The following VPS13B variants were observed in gnomAD, a reference collection of about 807,000 sequenced individuals.
VPS13B encodes intermembrane lipid transfer protein VPS13B.
Under a neutral mutation model 426.4 loss-of-function variants are expected in VPS13B, and 285 were observed. That is an observed-to-expected ratio of 0.67 (90% CI 0.61 to 0.74). The LOEUF (loss-of-function observed/expected upper bound fraction) is 0.74, where lower values mean the gene tolerates loss of function less well. Among genes scored for constraint, VPS13B ranks in the 30% least tolerant of loss-of-function variants. The pLI is 0.00. For synonymous variants in VPS13B, 1,676 were observed against 1,676.4 expected (o/e 1.00, Z 0.01); for missense variants, 4,537 against 4,782.6 (o/e 0.95, Z 1.51).
intron 19 of VPS13B, among the ~76,000 whole-genome samples, chr8:99,376,983 G>A (rs1813525125): frequency 6.6e-6 from 1 of 151,888 alleles, no homozygotes; most frequent in South Asian, 2.1e-4. Flanking sequence ...TAACATATAT[G>A]TAAGTATTGA....
At chr8:99,152,528 A>C (rs144094148) in intron 14 of VPS13B, among the ~76,000 whole-genome samples, 1 of 152,152 alleles carries the variant, frequency 6.6e-6, no homozygotes, top group East Asian at 1.9e-4. Context: ...TATAAGTTCA[A>C]TTATGTCCTT....
intron 24 of VPS13B, among the ~76,000 whole-genome samples, chr8:99,471,571 T>A (rs1403502174): frequency 1.3e-5 from 2 of 151,582 alleles, no homozygotes; most frequent in Non-Finnish European, 2.9e-5. Flanking sequence ...TAAAAAATAT[T>A]CAAAGAAGCC....
At chr8:99,766,744 A>G in intron 39 of VPS13B, 30 bp from the exon 40 acceptor site, 2 of 1,587,746 alleles carry the variant, frequency 1.3e-6, no homozygotes, top group Non-Finnish European at 1.7e-6. Context: ...TTCTATTTGC[A>G]ACTTCTAAAT....
intron 42 of VPS13B, among the ~76,000 whole-genome samples, chr8:99,780,285 C>T (rs1811953024): frequency 6.6e-6 from 1 of 151,848 alleles, no homozygotes; most frequent in African/African-American, 2.4e-5. Context: ...AAAAACAAAC[C>T]TAGAAAATAT....
chr8:99,110,123 T>A (rs1429887092), intron 5 of VPS13B, among the ~76,000 whole-genome samples: 1 of 152,164 alleles, frequency 6.6e-6, no homozygotes, highest in Non-Finnish European at 1.5e-5. Flanking sequence ...TAATACTGTT[T>A]AGACACATCT....
chr8:99,124,156 G>A (rs1848076889), intron 8 of VPS13B, among the ~76,000 whole-genome samples: 1 of 152,164 alleles, frequency 6.6e-6, no homozygotes, highest in Non-Finnish European at 1.5e-5. Context: ...AGACTGGAAG[G>A]TAAGTACCAT....
At chr8:99,313,871 G>C (rs1321257432) in intron 19 of VPS13B, among the ~76,000 whole-genome samples, 2 of 152,058 alleles carry the variant, frequency 1.3e-5, no homozygotes, top group East Asian at 1.9e-4. Context: ...GCAATGGTGG[G>C]TGCCCCTCCC....
chr8:99,604,522 CAG>C (rs1467701159), intron 33 of VPS13B, among the ~76,000 whole-genome samples: 5 of 114,618 alleles, frequency 4.4e-5, no homozygotes, highest in Middle Eastern at 5.7e-3. Context: ...TTTTTTGAGA[CAG>C]AGTCTTGCTC....
At chr8:99,018,405 A>C (rs541877992) in intron 2 of VPS13B, among the ~76,000 whole-genome samples, 1 of 152,202 alleles carries the variant, frequency 6.6e-6, no homozygotes, top group African/African-American at 2.4e-5. Flanking sequence ...ACACAAAAAA[A>C]CCTCTATTTT....
At chr8:99,540,320 C>T (rs1393888572) in intron 30 of VPS13B, among the ~76,000 whole-genome samples, 1 of 151,088 alleles carries the variant, frequency 6.6e-6, no homozygotes, top group Non-Finnish European at 1.5e-5. Context: ...ACCTCATGAT[C>T]CACCCGCCTC....
At chr8:99,826,037 T>G (rs1479074719) in intron 51 of VPS13B, among the ~76,000 whole-genome samples, 1 of 152,210 alleles carries the variant, frequency 6.6e-6, no homozygotes, top group Non-Finnish European at 1.5e-5. Context: ...TGCTTAGGAT[T>G]GTCTTGGCTA....
At chr8:99,217,167 CCTCT>C (rs1290869533) in intron 17 of VPS13B, among the ~76,000 whole-genome samples, 1 of 151,810 alleles carries the variant, frequency 6.6e-6, no homozygotes, top group Admixed American at 6.6e-5. Context: ...ATGTTTATTC[CCTCT>C]AATAACATTT....
At chr8:99,388,966 T>G (rs982867389) in intron 20 of VPS13B, among the ~76,000 whole-genome samples, 3 of 152,154 alleles carry the variant, frequency 2.0e-5, no homozygotes, top group African/African-American at 7.2e-5. Flanking sequence ...CTGGCTAAGA[T>G]GGTGAAACCC....
intron 58 of VPS13B, among the ~76,000 whole-genome samples, chr8:99,865,732 G>A (rs1043037337): frequency 6.6e-6 from 1 of 152,214 alleles, no homozygotes; most frequent in Non-Finnish European, 1.5e-5. Context: ...TATGGGTCTC[G>A]TTACTTTCTG....
chr8:99,612,588 G>C (rs1405843141), intron 33 of VPS13B, among the ~76,000 whole-genome samples: 1 of 152,124 alleles, frequency 6.6e-6, no homozygotes, highest in Non-Finnish European at 1.5e-5. Context: ...CCCTTTGCCT[G>C]CTGAACTAAA....
intron 22 of VPS13B, among the ~76,000 whole-genome samples, chr8:99,441,135 A>G (rs776866113): frequency 6.6e-6 from 1 of 152,122 alleles, no homozygotes. Context: ...AAATGAGCTC[A>G]TGCTTCACAA....
At chr8:99,515,740 A>T (rs1486563897) in intron 29 of VPS13B, among the ~76,000 whole-genome samples, 1 of 152,126 alleles carries the variant, frequency 6.6e-6, no homozygotes, top group Non-Finnish European at 1.5e-5. Flanking sequence ...GCTAGGTCAA[A>T]GGATTCCATA....
At chr8:99,749,207 C>A (rs1407935973) in intron 39 of VPS13B, among the ~76,000 whole-genome samples, 1 of 151,952 alleles carries the variant, frequency 6.6e-6, no homozygotes, top group African/African-American at 2.4e-5. Flanking sequence ...ATAACCATCA[C>A]CTCAAGCATT....
chr8:99,709,596 G>C (rs905491563), intron 36 of VPS13B, among the ~76,000 whole-genome samples: 1 of 152,098 alleles, frequency 6.6e-6, no homozygotes, highest in Non-Finnish European at 1.5e-5. Flanking sequence ...TTAAATATCT[G>C]CCATTAGTTT....
Sources: allele counts gnomAD v4.1 joint callset (sites outside exome capture counted in the v4.1 genomes callset), GRCh38; gene constraint gnomAD v4.1.1; transcripts MANE v1.5; gene names NCBI Gene and HGNC (gene_info 2026-07-23, HGNC 2026-07-21).